CAMK1G: variants seen among roughly 807,000 people sequenced by gnomAD.
CAMK1G encodes calcium/calmodulin-dependent protein kinase type 1G.
A neutral mutation model predicts 54.8 loss-of-function variants in CAMK1G; 27 were observed. That is an observed-to-expected ratio of 0.49 (90% CI 0.36 to 0.68). The LOEUF is 0.68. CAMK1G is among the 30% of genes least tolerant of loss of function. The probability of loss-of-function intolerance (pLI) is 0.00; values close to 1 mark genes in which losing one functional copy is unlikely to be tolerated. For missense variants in CAMK1G, 512 were observed against 591.0 expected (o/e 0.87, Z 1.39); for synonymous variants, 238 against 224.9 (o/e 1.06, Z -0.52).
intron 6 of CAMK1G, 36 bp downstream of exon 6, chr1:209,606,479 G>T: frequency 6.2e-7 from 1 of 1,607,556 alleles, no homozygotes; most frequent in Non-Finnish European, 8.5e-7. Context: ...TGACCAGTTG[G>T]CTACATTCAA....
chr1:209,606,423 G>T lies in CAMK1G; in HGVS notation c.539G>T (p.Cys180Phe). 2 of 1,614,072 alleles carry T rather than the reference G, an allele frequency of 1.2e-6. No homozygotes were observed. Among genetic ancestry groups the T allele is most frequent in the Non-Finnish European group, 8.5e-7 (1 of 1,179,934 alleles). The change falls in exon 6 of 13, where the codon TGT (cysteine) becomes TTT (phenylalanine). Residue 180 changes from cysteine (C) to phenylalanine (F), a missense_variant. Physicochemically the swap from Cys to Phe is radical, Grantham distance 205. Around this residue, in one of 3 missense-constraint regions of CAMK1G, gnomAD observed 186 missense variants for 231.5 expected, o/e 0.80. Transcript: ENST00000361322. ...MEQNGIMSTA[C>F]GTPGYVAPEV... is the part of the protein sequence containing the mutation. ...CAGAATGGCATCATGTCCACTGCCT[G>T]TGGGACCCCAGGCTACGTGGGTAAG... is the stretch of plus-strand genomic sequence containing the variant.
chr1:209,604,701 G>C (rs1163646175), intron 4 of CAMK1G, among the ~76,000 whole-genome samples: 2 of 152,184 alleles, frequency 1.3e-5, no homozygotes, highest in Admixed American at 1.3e-4. Context: ...GAGAAGGCAA[G>C]CCCTCCGGAG....
intron 6 of CAMK1G, 69 bp from the exon 7 acceptor site, chr1:209,607,789 C>G (rs1417324302): frequency 7.6e-7 from 1 of 1,316,264 alleles, no homozygotes; most frequent in African/African-American, 1.5e-5. Flanking sequence ...CTAAGCCTGG[C>G]CTTCAGCTCC....
Position 209,595,087 on chromosome 1 carries a change from G to C in CAMK1G, c.92+12G>C. On this transcript the variant is annotated intron_variant, in intron 2 of 12. Transcript: ENST00000361322. Reference sequence around the variant, plus strand: ...GAAGTGCTGGGATCGTAAGTCCTGGGGCTGTGAGGTCGGGTGGGCTGGGCT... The same window carrying C: ...GAAGTGCTGGGATCGTAAGTCCTGGCGCTGTGAGGTCGGGTGGGCTGGGCT... The C allele has an allele frequency of 6.2e-7, 1 of 1,608,334 alleles. No homozygotes were observed. Among genetic ancestry groups the C allele is most frequent in the Non-Finnish European group, 8.5e-7 (1 of 1,174,940 alleles).
At position 209,612,211 on chromosome 1, in the gene CAMK1G, A is replaced by G; in HGVS notation, c.1335A>G (p.Lys445=). 1 of 1,612,928 alleles carries G rather than the reference A, an allele frequency of 6.2e-7. No individual in the cohort carries two copies. Among genetic ancestry groups the G allele is most frequent in the Non-Finnish European group, 8.5e-7 (1 of 1,179,140 alleles). ...CCACACTCCTCAAAAAGGCCAACAA[A>G]AAACAGTACGTATTTTTAGCCAAAG... is the stretch of plus-strand genomic sequence containing the variant. ...SEPTLLKKAN[K]KQNFKSEVMV... is the part of the protein sequence containing the mutation. Residue 445 remains lysine, a synonymous_variant, in exon 11 of 13, where the codon AAA becomes AAG. Coordinates refer to ENST00000361322, the MANE Select transcript of CAMK1G (RefSeq NM_020439.3).
chr1:209,599,839 G>T, intron 2 of CAMK1G, 144 bp from the exon 3 acceptor site: 1 of 971,048 alleles, frequency 1.0e-6, no homozygotes, highest in Non-Finnish European at 1.4e-6. Context: ...CTTTCCTGAT[G>T]TTTCTTCCAG....
At position 209,595,711 on chromosome 1, in the gene CAMK1G, G is replaced by T. The variant is rs576638974; in HGVS notation, c.92+636G>T. On this transcript the variant is annotated intron_variant, in intron 2 of 12. Transcript: ENST00000361322. ...CTTTTGAGGCCCAGGGAGCTCGTGGGTCACACACACCTGAATCAGCCCCCT... is the reference window on the plus strand; with the variant it reads ...CTTTTGAGGCCCAGGGAGCTCGTGGTTCACACACACCTGAATCAGCCCCCT... 2.0e-5 allele frequency among the ~76,000 whole-genome samples: 3 copies of T among 152,284 alleles called. No homozygotes were observed. In the South Asian group the frequency reaches 6.2e-4, roughly 32 times the overall value.
chr1:209,609,146 A>T (rs747930746), intron 8 of CAMK1G, 54 bp downstream of exon 8: 1 of 1,608,594 alleles, frequency 6.2e-7, no homozygotes, highest in African/African-American at 1.3e-5. Context: ...GAGGCTGCCA[A>T]GAGAAATGAG....
intron 2 of CAMK1G, among the ~76,000 whole-genome samples, chr1:209,598,301 T>C (rs1665437082): frequency 6.6e-6 from 1 of 152,228 alleles, no homozygotes; most frequent in Admixed American, 6.5e-5. Flanking sequence ...GAGAGGTTGC[T>C]CAGCACCCTG....
chr1:209,600,237 T>C, intron 3 of CAMK1G, 126 bp downstream of exon 3: 2 of 1,174,934 alleles, frequency 1.7e-6, no homozygotes, highest in Non-Finnish European at 1.2e-6. Flanking sequence ...ATTGAGTTGA[T>C]GGGTCAGTTC....
At chr1:209,586,131 C>G (rs1363407825) in intron 1 of CAMK1G, among the ~76,000 whole-genome samples, 1 of 152,174 alleles carries the variant, frequency 6.6e-6, no homozygotes, top group Non-Finnish European at 1.5e-5. Flanking sequence ...GGGAAAGATC[C>G]TTCCTCTCCC....
At chr1:209,606,162 G>A (rs1665644807) in intron 5 of CAMK1G, 158 bp from the exon 6 acceptor site, 2 of 383,762 alleles carry the variant, frequency 5.2e-6, no homozygotes, top group Admixed American at 1.3e-4. Context: ...CAGGTGTGAG[G>A]GTGCAGGTAG....
At chr1:209,589,747 G>A (rs1665198479) in intron 1 of CAMK1G, among the ~76,000 whole-genome samples, 1 of 152,098 alleles carries the variant, frequency 6.6e-6, no homozygotes, top group African/African-American at 2.4e-5. Flanking sequence ...TCTGTGTTTG[G>A]TCTTCATAAC....
At chr1:209,611,362 A>C (rs932814930) in intron 9 of CAMK1G, 103 bp from the exon 10 acceptor site, 10 of 981,226 alleles carry the variant, frequency 1.0e-5, no homozygotes, top group Non-Finnish European at 1.6e-5. Context: ...TTTCCTCTGC[A>C]CACTCTACCC....
chr1:209,598,258 CTCTTT>C (rs1665436381), intron 2 of CAMK1G, among the ~76,000 whole-genome samples: 1 of 152,228 alleles, frequency 6.6e-6, no homozygotes. Context: ...GCTAGGTTCT[CTCTTT>C]TGTCTTTGCA....
In CAMK1G at chr1:209,595,012, G is replaced by A. The variant is rs1665344653; in HGVS notation, c.29G>A (p.Ser10Asn). Residue 10 changes from serine (S) to asparagine (N), a missense_variant, in exon 2 of 13, where the codon AGT (serine) becomes AAT (asparagine). By Grantham distance (46) the Ser-to-Asn change is conservative. Transcript: ENST00000361322. ...GGTCGAAAGGAAGAAGATGACTGCA[G>A]TTCCTGGAAGAAACAGACCACCAAC... MGRKEEDDC[S>N]SWKKQTTNIR... 6.2e-7 allele frequency: 1 copy of A among 1,614,068 alleles called. No homozygotes were observed. The highest frequency in any genetic ancestry group is 1.3e-5 in the African/African-American group (1 of 75,038).
rs757656435 is a variant in CAMK1G at position 209,603,313 on chromosome 1, T to C, written c.296+25T>C. 31 of 1,596,952 alleles carry C rather than the reference T, an allele frequency of 1.9e-5. No individual in the cohort carries two copies. In the Admixed American group the frequency reaches 5.2e-4, roughly 27 times the overall value. On this transcript the variant is annotated intron_variant, in intron 4 of 12. Coordinates refer to ENST00000361322, the MANE Select transcript of CAMK1G (RefSeq NM_020439.3). Reference sequence around the variant, plus strand: ...TGTAAGTAAAAGGTGACTTGCTTCCTTCACAGAGGCCTGGTGGGGCCTGGG... The same window carrying C: ...TGTAAGTAAAAGGTGACTTGCTTCCCTCACAGAGGCCTGGTGGGGCCTGGG...
At chr1:209,595,634 T>G (rs6690557) in intron 2 of CAMK1G, among the ~76,000 whole-genome samples, 35,024 of 152,044 alleles carry the variant, frequency 0.23, 4,858 homozygotes, top group South Asian at 0.31. Context: ...AGCATCTTCA[T>G]TTCTCCAGCA....
intron 1 of CAMK1G, among the ~76,000 whole-genome samples, chr1:209,587,832 G>T (rs1320794437): frequency 6.6e-6 from 1 of 151,122 alleles, no homozygotes; most frequent in Non-Finnish European, 1.5e-5. Flanking sequence ...CCCAACTTTT[G>T]CCTTTTACCC....
Sources: gnomAD v4.1 joint callset for allele counts (sites outside exome capture counted in the v4.1 genomes callset) on GRCh38, gnomAD v4.1.1 for gene constraint, gnomAD v4.1.1 regional missense constraint, MANE v1.5 for transcripts, NCBI Gene and HGNC (gene_info 2026-07-23, HGNC 2026-07-21) for gene names.